The following KDM3B variants were observed in gnomAD, a reference collection of about 807,000 sequenced individuals.
The protein encoded by KDM3B is lysine demethylase 3B.
A neutral mutation model predicts 170.0 loss-of-function variants in KDM3B; 10 were observed. The observed-to-expected ratio is 0.06, with a 90% CI of 0.04 to 0.10. KDM3B has a LOEUF of 0.10. Among genes scored for constraint, KDM3B ranks in the 10% least tolerant of loss-of-function variants. The pLI is 1.00. For missense variants in KDM3B, 1,394 were observed against 2,195.2 expected (o/e 0.64, Z 7.29); for synonymous variants, 831 against 834.8 (o/e 1.00, Z 0.08).
rs531477878 is a variant in KDM3B at position 138,400,028 on chromosome 5, C to G, written c.3199+16C>G. The G allele has an allele frequency of 2.5e-6, 4 of 1,613,338 alleles. No homozygotes were observed. The South Asian group carries it at 3.3e-5, about 13-fold the overall frequency. ...CCACGCAGTGGTAAGTAAACATTGT[C>G]CTGTGTAGCTCGAAAGGTAACGTGG... On this transcript the variant is annotated intron_variant, in intron 11 of 23. Transcript: ENST00000314358.
Position 138,423,985 on chromosome 5 carries a change from C to T in KDM3B, c.3973-90C>T, listed in dbSNP as rs971730357. 4.5e-6 allele frequency: 6 copies of T among 1,330,510 alleles called. No individual in the cohort carries two copies. The African/African-American group carries it at 5.8e-5, about 13-fold the overall frequency. 82.4% of individuals were successfully genotyped at this position (1,330,510 alleles called of 1,614,324 possible). ...TAGAATTTAATCAGACAGGTCAGAACTCCTTGTGAATACAATTGTGAGACA... is the reference window on the plus strand; with the variant it reads ...TAGAATTTAATCAGACAGGTCAGAATTCCTTGTGAATACAATTGTGAGACA... On this transcript the variant is annotated intron_variant, in intron 15 of 23. Transcript: ENST00000314358.
intron 1 of KDM3B, 132 bp downstream of exon 1, chr5:138,353,119 C>A: frequency 3.9e-6 from 3 of 761,934 alleles, no homozygotes; most frequent in Non-Finnish European, 5.3e-6. Context: ...CCTTAGCGCC[C>A]CCCGCCGGCA....
chr5:138,388,624 G>A (rs1189162963), intron 7 of KDM3B, among the ~76,000 whole-genome samples: 1 of 139,090 alleles, frequency 7.2e-6, no homozygotes, highest in East Asian at 2.2e-4. Flanking sequence ...CTGGGCAACA[G>A]AGCGAGACTC....
At chr5:138,386,818 C>T (rs1461168703) in intron 7 of KDM3B, among the ~76,000 whole-genome samples, 197 bp downstream of exon 7, 1 of 152,176 alleles carries the variant, frequency 6.6e-6, no homozygotes, top group Non-Finnish European at 1.5e-5. Context: ...TCTTAAAAGG[C>T]ACCAGAACAG....
chr5:138,418,244 T>C (rs764397696), intron 13 of KDM3B, among the ~76,000 whole-genome samples: 16 of 151,976 alleles, frequency 1.1e-4, no homozygotes, highest in Non-Finnish European at 2.1e-4. Context: ...CACACCTGGG[T>C]AATTTTTTTA....
intron 1 of KDM3B, among the ~76,000 whole-genome samples, chr5:138,370,878 A>G (rs1427752687): frequency 6.6e-6 from 1 of 151,210 alleles, no homozygotes; most frequent in African/African-American, 2.4e-5. Flanking sequence ...GCACGATCTC[A>G]GCTCACTGCA....
chr5:138,393,720 T>A (rs575306043), intron 9 of KDM3B, among the ~76,000 whole-genome samples: 1 of 152,278 alleles, frequency 6.6e-6, no homozygotes, highest in East Asian at 1.9e-4. Context: ...TTATTCCTCC[T>A]CAGTGCTAGA....
intron 15 of KDM3B, among the ~76,000 whole-genome samples, chr5:138,421,234 T>C (rs1382598086): frequency 1.3e-5 from 2 of 152,224 alleles, no homozygotes; most frequent in African/African-American, 4.8e-5. Context: ...ATAGCAGGCA[T>C]TAATTTTTTT....
rs1211483669 is a variant in KDM3B at position 138,418,936 on chromosome 5, G to A, written c.3436-17G>A. On this transcript the variant is annotated splice_polypyrimidine_tract_variant and intron_variant, in intron 13 of 23. Transcript: ENST00000314358. ...CCAAGCACAGCACTCTAATTATGTT[G>A]GCCTTCTGCATTTTAGCTTCCTAGC... 2 of 1,609,756 alleles carry A rather than the reference G, an allele frequency of 1.2e-6. No individual in the cohort carries two copies. Among genetic ancestry groups the A allele is most frequent in the East Asian group, 2.2e-5 (1 of 44,810 alleles).
intron 20 of KDM3B, among the ~76,000 whole-genome samples, chr5:138,428,407 C>A (rs960731127): frequency 6.6e-6 from 1 of 152,054 alleles, no homozygotes; most frequent in Non-Finnish European, 1.5e-5. Context: ...AGACGGGTTT[C>A]GCCATGTTGG....
chr5:138,365,510 G>T (rs368765092), intron 1 of KDM3B, among the ~76,000 whole-genome samples: 1 of 151,590 alleles, frequency 6.6e-6, no homozygotes, highest in African/African-American at 2.4e-5. Flanking sequence ...TGCCTGCCTC[G>T]GCCTCCCAGA....
chr5:138,400,930 A>T (rs1762669896), intron 11 of KDM3B, among the ~76,000 whole-genome samples: 1 of 151,788 alleles, frequency 6.6e-6, no homozygotes, highest in Non-Finnish European at 1.5e-5. Flanking sequence ...TAGTTTAACA[A>T]GTAGTCTGCT....
chr5:138,419,871 G>C (rs1763226703), intron 14 of KDM3B, among the ~76,000 whole-genome samples: 1 of 151,198 alleles, frequency 6.6e-6, no homozygotes. Flanking sequence ...ATTTATACAA[G>C]GGGTTTTTTT....
At chr5:138,370,325 A>C (rs1761841712) in intron 1 of KDM3B, among the ~76,000 whole-genome samples, 1 of 152,152 alleles carries the variant, frequency 6.6e-6, no homozygotes, top group Non-Finnish European at 1.5e-5. Context: ...AATGAATTTA[A>C]CTTCTGGGAT....
At chr5:138,429,079 C>T (rs918939873) in intron 20 of KDM3B, among the ~76,000 whole-genome samples, 1 of 151,226 alleles carries the variant, frequency 6.6e-6, no homozygotes, top group Non-Finnish European at 1.5e-5. Flanking sequence ...CTGTGCCTCA[C>T]TTTACATTTG....
chr5:138,366,319 T>C (rs1240555721), intron 1 of KDM3B, among the ~76,000 whole-genome samples: 1 of 152,092 alleles, frequency 6.6e-6, no homozygotes, highest in Non-Finnish European at 1.5e-5. Flanking sequence ...CCCATTGTCT[T>C]TCCTTTTTCT....
intron 20 of KDM3B, 56 bp downstream of exon 20, chr5:138,428,142 A>G: frequency 6.5e-7 from 1 of 1,541,444 alleles, no homozygotes. Flanking sequence ...TTGGGAATAC[A>G]GTTTTGTGTT....
intron 11 of KDM3B, 151 bp from the exon 12 acceptor site, chr5:138,414,981 T>C: frequency 2.2e-6 from 1 of 450,502 alleles, no homozygotes. Context: ...AAATAAAATC[T>C]CAGTAAAGCA....
At chr5:138,367,310 A>T (rs1442784919) in intron 1 of KDM3B, among the ~76,000 whole-genome samples, 1 of 152,116 alleles carries the variant, frequency 6.6e-6, no homozygotes, top group Non-Finnish European at 1.5e-5. Flanking sequence ...GAGGCATTCC[A>T]TTTTTGTTAA....
Sources: allele counts gnomAD v4.1 joint callset (sites outside exome capture counted in the v4.1 genomes callset), GRCh38; gene constraint gnomAD v4.1.1; transcripts MANE v1.5; gene names NCBI Gene and HGNC (gene_info 2026-07-23, HGNC 2026-07-21).